The following IL16 variants were observed in gnomAD, a reference collection of about 807,000 sequenced individuals.
IL16 encodes interleukin 16.
A neutral mutation model predicts 110.1 loss-of-function variants in IL16; 67 were observed. That is an observed-to-expected ratio of 0.61 (90% CI 0.50 to 0.75). The LOEUF is 0.75. IL16 is among the 30% of genes least tolerant of loss of function. The pLI is 0.00. For missense variants in IL16, 1,545 were observed against 1,655.0 expected (o/e 0.93, Z 1.15); for synonymous variants, 689 against 662.9 (o/e 1.04, Z -0.61).
At chr15:81,261,890 G>A (rs1898172242) in intron 3 of IL16, among the ~76,000 whole-genome samples, 2 of 152,050 alleles carry the variant, frequency 1.3e-5, no homozygotes, top group Admixed American at 1.3e-4. Context: ...ACAATATAGT[G>A]AAACCATGTC....
chr15:81,188,038 C>T (rs1487057665), intron 1 of IL16, among the ~76,000 whole-genome samples: 1 of 152,046 alleles, frequency 6.6e-6, no homozygotes, highest in East Asian at 1.9e-4. Flanking sequence ...CTTTGTATGT[C>T]CTTGTTTATC....
chr15:81,264,783 T>A (rs556567851), intron 3 of IL16, among the ~76,000 whole-genome samples: 1 of 152,324 alleles, frequency 6.6e-6, no homozygotes, highest in South Asian at 2.1e-4. Context: ...AAAGACTAAG[T>A]GCAAGAAGAA....
intron 2 of IL16, among the ~76,000 whole-genome samples, chr15:81,236,817 C>T (rs1897191563): frequency 6.6e-6 from 1 of 152,048 alleles, no homozygotes; most frequent in South Asian, 2.1e-4. Context: ...ATTAGCCAGG[C>T]CTGGTGGTGG....
At chr15:81,189,920 G>A (rs1430370759) in intron 1 of IL16, among the ~76,000 whole-genome samples, 2 of 152,234 alleles carry the variant, frequency 1.3e-5, no homozygotes, top group African/African-American at 4.8e-5. Context: ...ATGCAAGGCA[G>A]GAAGCGGCGT....
At chr15:81,238,830 T>G (rs576128271) in intron 2 of IL16, among the ~76,000 whole-genome samples, 3 of 150,980 alleles carry the variant, frequency 2.0e-5, no homozygotes, top group African/African-American at 7.3e-5. Flanking sequence ...TCTTTTAGTT[T>G]TTTTTTTTTT....
chr15:81,225,559 GA>G lies in IL16; in HGVS notation c.161del (p.Glu54GlyfsTer24). On this transcript the variant is annotated frameshift_variant, in exon 2 of 19. Transcript: ENST00000683961. LOFTEE classifies it high-confidence loss of function. ...TGAGATTTCCTTGGCCCAGGGCAAG[GA>G]GGGAATTTTCCACTCATCTGTGCAG... ...PFEISLAQGK[E>X]GIFHSSVQLA... 6.2e-7 allele frequency: 1 copy of G among 1,614,156 alleles called. No individual in the cohort carries two copies. The highest frequency in any genetic ancestry group is 8.5e-7 in the Non-Finnish European group (1 of 1,180,020).
At chr15:81,199,556 C>T (rs1468162317) in intron 1 of IL16, among the ~76,000 whole-genome samples, 1 of 150,824 alleles carries the variant, frequency 6.6e-6, no homozygotes, top group Admixed American at 6.6e-5. Context: ...CGGTCTTGCC[C>T]CTGGCTGAGT....
intron 11 of IL16, 91 bp downstream of exon 11, chr15:81,290,631 T>A: frequency 2.4e-6 from 2 of 821,724 alleles, no homozygotes; most frequent in Non-Finnish European, 3.9e-6. Flanking sequence ...ATCCAAGGAA[T>A]AGTAACAGCA....
chr15:81,227,248 TAAC>T (rs1290684270), intron 2 of IL16, among the ~76,000 whole-genome samples: 1 of 152,074 alleles, frequency 6.6e-6, no homozygotes, highest in Non-Finnish European at 1.5e-5. Flanking sequence ...ATATAGATAA[TAAC>T]AACTTGATAT....
At chr15:81,271,432 C>T (rs886508069) in intron 5 of IL16, among the ~76,000 whole-genome samples, 3 of 152,080 alleles carry the variant, frequency 2.0e-5, no homozygotes, top group Non-Finnish European at 2.9e-5. Flanking sequence ...GTGATAGAGC[C>T]ACTGCACTCC....
At chr15:81,306,608 A>G in intron 18 of IL16, 63 bp downstream of exon 18, 1 of 1,597,144 alleles carries the variant, frequency 6.3e-7, no homozygotes, top group East Asian at 2.2e-5. Context: ...AGGCCCCCAA[A>G]AGGCTTCTGG....
At chr15:81,286,014 A>G (rs1206612323) in intron 10 of IL16, among the ~76,000 whole-genome samples, 184 bp downstream of exon 10, 1 of 152,238 alleles carries the variant, frequency 6.6e-6, no homozygotes, top group Non-Finnish European at 1.5e-5. Flanking sequence ...ACTCCTAGAT[A>G]TCAGAGGCAA....
At chr15:81,211,876 G>A (rs1896257002) in intron 1 of IL16, among the ~76,000 whole-genome samples, 2 of 152,242 alleles carry the variant, frequency 1.3e-5, no homozygotes, top group Middle Eastern at 3.4e-3. Flanking sequence ...CTTGATCGTG[G>A]TGAATTAACA....
At chr15:81,252,652 G>T (rs936205910) in intron 2 of IL16, among the ~76,000 whole-genome samples, 2 of 151,984 alleles carry the variant, frequency 1.3e-5, no homozygotes, top group Non-Finnish European at 2.9e-5. Flanking sequence ...CCTCATTCCT[G>T]CCCGATCCCT....
chr15:81,269,886 C>T (rs1334582129), intron 5 of IL16, among the ~76,000 whole-genome samples: 2 of 152,208 alleles, frequency 1.3e-5, no homozygotes, highest in Non-Finnish European at 2.9e-5. Flanking sequence ...CTGCCAGCTG[C>T]CTTAGCACTT....
At chr15:81,272,537 G>A (rs11633218) in intron 5 of IL16, among the ~76,000 whole-genome samples, 15,206 of 152,232 alleles carry the variant, frequency 0.1, 1,143 homozygotes, top group South Asian at 0.3. Context: ...GATAGAGCAG[G>A]TGCAGGAGGG....
At chr15:81,282,490 G>A (rs182537068) in intron 8 of IL16, 149 bp from the exon 9 acceptor site, 157 of 667,534 alleles carry the variant, frequency 2.4e-4, no homozygotes, top group African/African-American at 1.0e-3. Flanking sequence ...ACCCTAGAGC[G>A]GTGCCTGCAC....
intron 2 of IL16, among the ~76,000 whole-genome samples, chr15:81,232,042 G>GTTTTT: frequency 1.0e-4 from 6 of 57,702 alleles, no homozygotes; most frequent in Non-Finnish European, 1.7e-4. Context: ...ATTTGTTCTT[G>GTTTTT]TTTTTTTTTT....
At chr15:81,192,631 A>C (rs1272319516), upstream of IL16, among the ~76,000 whole-genome samples, 1 of 152,162 alleles carries the variant, frequency 6.6e-6, no homozygotes, top group Non-Finnish European at 1.5e-5. Flanking sequence ...CAAACAAAAA[A>C]CAGTTTTTAA....
Sources: allele counts gnomAD v4.1 joint callset (sites outside exome capture counted in the v4.1 genomes callset), GRCh38; gene constraint gnomAD v4.1.1; transcripts MANE v1.5; gene names NCBI Gene and HGNC (gene_info 2026-07-23, HGNC 2026-07-21).